The following AMPH variants were observed in gnomAD, a reference collection of about 807,000 sequenced individuals.
The protein encoded by AMPH is amphiphysin, also known as amphiphysin (Stiff-Mann syndrome with breast cancer 128kD autoantigen).
A neutral mutation model predicts 99.1 loss-of-function variants in AMPH; 49 were observed. The observed-to-expected ratio is 0.49, with a 90% CI of 0.39 to 0.63. The LOEUF is 0.63. AMPH is among the 20% of genes least tolerant of loss of function. The pLI is 0.00. For synonymous variants in AMPH, 314 were observed against 317.3 expected (o/e 0.99, Z 0.11); for missense variants, 759 against 863.4 (o/e 0.88, Z 1.52).
chr7:38,480,889 CT>C (rs1788260329), intron 5 of AMPH, among the ~76,000 whole-genome samples: 1 of 152,168 alleles, frequency 6.6e-6, no homozygotes, highest in Non-Finnish European at 1.5e-5. Flanking sequence ...CCTTTAATAT[CT>C]TCCAAGTAGC....
intron 5 of AMPH, among the ~76,000 whole-genome samples, chr7:38,485,543 G>C (rs191811496): frequency 6.6e-6 from 1 of 151,932 alleles, no homozygotes; most frequent in East Asian, 1.9e-4. Context: ...ATTATAGATA[G>C]AACCACAATT....
chr7:38,581,595 AC>A (rs1792466390), intron 1 of AMPH, among the ~76,000 whole-genome samples: 1 of 152,164 alleles, frequency 6.6e-6, no homozygotes, highest in Admixed American at 6.5e-5. Context: ...AGCCTCACTC[AC>A]CTTTTAACAG....
At chr7:38,596,881 C>T (rs1249586562) in intron 1 of AMPH, among the ~76,000 whole-genome samples, 1 of 152,134 alleles carries the variant, frequency 6.6e-6, no homozygotes, top group Non-Finnish European at 1.5e-5. Flanking sequence ...AGCCCATTCT[C>T]TACTCCAGTG....
chr7:38,401,664 A>G (rs551060317), intron 17 of AMPH, among the ~76,000 whole-genome samples: 1 of 152,342 alleles, frequency 6.6e-6, no homozygotes, highest in South Asian at 2.1e-4. Context: ...TCAGAGAACA[A>G]CCTAATTGTT....
rs535332069 is a variant in AMPH, at chr7:38,463,980, G to A, written c.750-867C>T. The A allele has an allele frequency of 1.1e-4, 119 of 1,101,114 alleles. No homozygotes were observed. In the African/African-American group the frequency reaches 1.5e-3, roughly 14 times the overall value. The allele number at this position is 1,101,114 out of a possible 1,614,324, so 68.2% of individuals were successfully genotyped here. A position where few individuals can be genotyped will look rare whatever the true frequency, so the allele number is the denominator to read the frequency against. On this transcript the variant is annotated intron_variant, in intron 9 of 20. Coordinates refer to ENST00000356264, the MANE Select transcript of AMPH (RefSeq NM_001635.4). ...GGCTGAGGAAACTGGGTCCTTTAGCGAGAACACAGACATGCCACATGATTG... is the reference window on the plus strand; with the variant it reads ...GGCTGAGGAAACTGGGTCCTTTAGCAAGAACACAGACATGCCACATGATTG...
At chr7:38,458,692 A>T (rs1189530012) in intron 11 of AMPH, among the ~76,000 whole-genome samples, 1 of 152,178 alleles carries the variant, frequency 6.6e-6, no homozygotes, top group African/African-American at 2.4e-5. Flanking sequence ...ACCAACTAGG[A>T]AATAGAAGGA....
chr7:38,525,277 T>TATATAGAGAGAGAGAG (rs1481528083), intron 2 of AMPH, among the ~76,000 whole-genome samples: 9 of 86,648 alleles, frequency 1.0e-4, no homozygotes, highest in African/African-American at 1.4e-4. Flanking sequence ...TATATATATA[T>TATATAGAGAGAGAGAG]AGAGAGAGAG....
At chr7:38,516,842 T>C (rs1789765087) in intron 2 of AMPH, among the ~76,000 whole-genome samples, 1 of 152,220 alleles carries the variant, frequency 6.6e-6, no homozygotes, top group Admixed American at 6.5e-5. Context: ...CTTGTGTCAG[T>C]GTCGCCTGAA....
intron 1 of AMPH, among the ~76,000 whole-genome samples, chr7:38,551,571 A>G (rs1038784387): frequency 6.6e-6 from 1 of 152,200 alleles, no homozygotes; most frequent in Admixed American, 6.6e-5. Flanking sequence ...ATTAGAGAAG[A>G]AACTTTCATT....
In AMPH at chr7:38,483,084, T is replaced by G. The variant is rs558481347; in HGVS notation, c.397-6115A>C. ...AGTGCCATATAATGAAGAGGGAACCTCCAGCTACCTACTTCTCAGTGAAGA... is the reference window on the plus strand; with the variant it reads ...AGTGCCATATAATGAAGAGGGAACCGCCAGCTACCTACTTCTCAGTGAAGA... On this transcript the variant is annotated intron_variant, in intron 5 of 20. Coordinates refer to ENST00000356264, the MANE Select transcript of AMPH (RefSeq NM_001635.4). Among the ~76,000 whole-genome samples, 6 of 152,202 alleles carry G rather than the reference T, an allele frequency of 3.9e-5. No individual in the cohort carries two copies. In the East Asian group the frequency reaches 1.2e-3, roughly 29 times the overall value.
At chr7:38,461,505 A>C (rs558601857) in intron 10 of AMPH, 94 bp from the exon 11 acceptor site, 25 of 1,481,700 alleles carry the variant, frequency 1.7e-5, no homozygotes, top group Admixed American at 1.2e-4. Flanking sequence ...GGACAGATTG[A>C]GCTCTGATTG....
chr7:38,619,441 A>G (rs1793982136), intron 1 of AMPH, among the ~76,000 whole-genome samples: 1 of 152,240 alleles, frequency 6.6e-6, no homozygotes, highest in East Asian at 1.9e-4. Flanking sequence ...AGACAATTCA[A>G]CAACAATACT....
intron 1 of AMPH, among the ~76,000 whole-genome samples, chr7:38,554,167 T>C (rs544206952): frequency 2.0e-5 from 3 of 152,328 alleles, no homozygotes; most frequent in African/African-American, 7.2e-5. Flanking sequence ...TACCCAAGCC[T>C]CTTTCCCTTT....
At chr7:38,391,340 C>A (rs1223098647) in intron 19 of AMPH, among the ~76,000 whole-genome samples, 1 of 152,186 alleles carries the variant, frequency 6.6e-6, no homozygotes, top group African/African-American at 2.4e-5. Context: ...CTGTGTCATG[C>A]ACCCTACAAG....
chr7:38,561,944 T>C (rs1791564577), intron 1 of AMPH, among the ~76,000 whole-genome samples: 1 of 151,538 alleles, frequency 6.6e-6, no homozygotes, highest in African/African-American at 2.4e-5. Context: ...AAAGTGTTGT[T>C]ACTTAAACCA....
At chr7:38,562,595 T>C (rs1231580968) in intron 1 of AMPH, among the ~76,000 whole-genome samples, 1 of 151,788 alleles carries the variant, frequency 6.6e-6, no homozygotes, top group East Asian at 1.9e-4. Context: ...AGTCTCAGCC[T>C]CTGAGGCAAT....
chr7:38,618,769 G>A (rs1793958541), intron 1 of AMPH, among the ~76,000 whole-genome samples: 1 of 151,182 alleles, frequency 6.6e-6, no homozygotes, highest in African/African-American at 2.4e-5. Context: ...AAACAACAAG[G>A]GAATTAAAAG....
chr7:38,460,125 A>G (rs895788315), intron 11 of AMPH, among the ~76,000 whole-genome samples: 11 of 152,310 alleles, frequency 7.2e-5, no homozygotes, highest in African/African-American at 2.4e-4. Context: ...AATCCAAATC[A>G]AAACCAAATT....
intron 1 of AMPH, among the ~76,000 whole-genome samples, chr7:38,590,840 C>G (rs1216725481): frequency 2.0e-5 from 3 of 152,060 alleles, no homozygotes; most frequent in Non-Finnish European, 4.4e-5. Flanking sequence ...CTATTGAGGA[C>G]AATGACCACA....
Sources: allele counts gnomAD v4.1 joint callset (sites outside exome capture counted in the v4.1 genomes callset), GRCh38; gene constraint gnomAD v4.1.1; transcripts MANE v1.5; gene names NCBI Gene and HGNC (gene_info 2026-07-23, HGNC 2026-07-21).